The following CACNA2D1 variants were observed in gnomAD, a reference collection of about 807,000 sequenced individuals.
CACNA2D1 encodes voltage-dependent calcium channel subunit alpha-2/delta-1.
In CACNA2D1, 53 loss-of-function variants were observed where a neutral mutation model predicts 171.5. The observed-to-expected ratio is 0.31, with a 90% CI of 0.25 to 0.39. The LOEUF (loss-of-function observed/expected upper bound fraction) is 0.39. Among genes scored for constraint, CACNA2D1 ranks in the 10% least tolerant of loss-of-function variants. The pLI is 1.00. For missense variants in CACNA2D1, 903 were observed against 1,299.8 expected, an observed-to-expected ratio of 0.69 and a Z score of 4.69; for synonymous variants, 442 against 443.1, an observed-to-expected ratio of 1.00 and a Z score of 0.03.
intron 5 of CACNA2D1, among the ~76,000 whole-genome samples, chr7:82,135,751 T>C (rs887606538): frequency 6.6e-6 from 1 of 152,154 alleles, no homozygotes; most frequent in African/African-American, 2.4e-5. Context: ...AAATTCCATA[T>C]AATAGTATAT....
chr7:82,167,689 T>C (rs1367656064), intron 4 of CACNA2D1, among the ~76,000 whole-genome samples: 1 of 152,084 alleles, frequency 6.6e-6, no homozygotes, highest in African/African-American at 2.4e-5. Context: ...CCTGTCAACA[T>C]CATTCACGGT....
At chr7:82,193,516 AT>A in intron 3 of CACNA2D1, among the ~76,000 whole-genome samples, 1 of 152,106 alleles carries the variant, frequency 6.6e-6, no homozygotes, top group East Asian at 1.9e-4. Flanking sequence ...GAAATGTCTC[AT>A]TTTTTAAGTA....
intron 1 of CACNA2D1, among the ~76,000 whole-genome samples, chr7:82,416,320 T>C (rs1828164767): frequency 6.6e-6 from 1 of 152,128 alleles, no homozygotes; most frequent in South Asian, 2.1e-4. Flanking sequence ...AGTCCTTAAA[T>C]GACTGAATAG....
chr7:82,016,878 A>G (rs1182676584), intron 12 of CACNA2D1, among the ~76,000 whole-genome samples: 1 of 145,254 alleles, frequency 6.9e-6, no homozygotes, highest in Admixed American at 6.8e-5. Context: ...AATCATTCCC[A>G]TGTCATCAAT....
intron 4 of CACNA2D1, among the ~76,000 whole-genome samples, chr7:82,137,230 G>A (rs1185451023): frequency 6.6e-6 from 1 of 152,132 alleles, no homozygotes; most frequent in Non-Finnish European, 1.5e-5. Flanking sequence ...TAGCAAAGTG[G>A]TGAATTAGCA....
intron 4 of CACNA2D1, among the ~76,000 whole-genome samples, chr7:82,146,011 T>C (rs1178638875): frequency 1.3e-5 from 2 of 152,022 alleles, no homozygotes; most frequent in African/African-American, 2.4e-5. Context: ...AATATTTTAG[T>C]CTGCTTATTT....
intron 2 of CACNA2D1, among the ~76,000 whole-genome samples, chr7:82,345,681 A>AGTGTGTGT (rs3054696): frequency 0.074 from 10,861 of 146,334 alleles, 587 homozygotes; most frequent in African/African-American, 0.15. Context: ...TAGCTAAAGG[A>AGTGTGTGT]GTGTGTGTGT....
chr7:82,214,266 C>T (rs769425171), intron 3 of CACNA2D1, among the ~76,000 whole-genome samples: 16 of 152,222 alleles, frequency 1.1e-4, no homozygotes, highest in Non-Finnish European at 1.8e-4. Context: ...CTACCTCTTC[C>T]GAGAAAGCCT....
chr7:82,086,860 T>A (rs1298870820), intron 6 of CACNA2D1, among the ~76,000 whole-genome samples: 1 of 152,150 alleles, frequency 6.6e-6, no homozygotes, highest in Admixed American at 6.5e-5. Flanking sequence ...TATTGGGTAC[T>A]GACACACTGA....
rs974288228 is a variant in CACNA2D1 at position 82,143,673 on chromosome 7, G to C, written c.355-6997C>G. The stretch of plus-strand genomic sequence containing the variant: ...TATACGCATCCTGTCCACCAAATGT[G>C]TTGCTGTGCTCCAGACCTGTGTGAT... On this transcript the variant is annotated intron_variant, in intron 4 of 38. Transcript: ENST00000356860. 5.3e-5 allele frequency among the ~76,000 whole-genome samples: 8 copies of C among 152,208 alleles called. 1 individual carries two copies. The South Asian group carries it at 1.7e-3, about 32-fold the overall frequency.
chr7:82,252,618 G>A lies in CACNA2D1; in HGVS notation c.295-82009C>T, dbSNP rs191241226. ...AAGAGGAGGAAACACTTGGCCGGGC[G>A]TGGTGGCTCACGCCTGTAATCCCAG... On this transcript the variant is annotated intron_variant, in intron 3 of 38. Transcript: ENST00000356860. Among the ~76,000 whole-genome samples the A allele has an allele frequency of 1.2e-4, 19 of 152,302 alleles. No individual in the cohort carries two copies. The East Asian group carries it at 1.7e-3, about 14-fold the overall frequency.
intron 3 of CACNA2D1, among the ~76,000 whole-genome samples, chr7:82,271,227 A>G (rs1437794474): frequency 6.6e-6 from 1 of 152,028 alleles, no homozygotes; most frequent in Non-Finnish European, 1.5e-5. Flanking sequence ...TTCATCATGT[A>G]GAAAAGAAAA....
chr7:82,237,395 A>C (rs1803726184), intron 3 of CACNA2D1, among the ~76,000 whole-genome samples: 1 of 151,860 alleles, frequency 6.6e-6, no homozygotes, highest in African/African-American at 2.4e-5. Flanking sequence ...AAACATACAG[A>C]CACACACACA....
intron 7 of CACNA2D1, among the ~76,000 whole-genome samples, chr7:82,068,890 A>C (rs879859594): frequency 2.6e-5 from 4 of 152,154 alleles, no homozygotes; most frequent in African/African-American, 7.2e-5. Context: ...CATAAAATGT[A>C]TATCTTTAAG....
chr7:82,176,984 A>C (rs1483804264), intron 3 of CACNA2D1, among the ~76,000 whole-genome samples: 2 of 150,726 alleles, frequency 1.3e-5, no homozygotes, highest in African/African-American at 2.4e-5. Flanking sequence ...TACTGCTTCT[A>C]TCATGATGCA....
intron 3 of CACNA2D1, among the ~76,000 whole-genome samples, chr7:82,243,468 G>A (rs538230247): frequency 1.3e-5 from 2 of 152,202 alleles, no homozygotes; most frequent in African/African-American, 2.4e-5. Flanking sequence ...AATTATACCC[G>A]AGTAACTATC....
intron 3 of CACNA2D1, among the ~76,000 whole-genome samples, chr7:82,280,414 T>C (rs1809935908): frequency 6.6e-6 from 1 of 152,190 alleles, no homozygotes; most frequent in Non-Finnish European, 1.5e-5. Flanking sequence ...TCTGTGGCAT[T>C]TTTTGTTTAT....
chr7:82,173,732 G>T (rs1796274600), intron 3 of CACNA2D1, among the ~76,000 whole-genome samples: 2 of 151,856 alleles, frequency 1.3e-5, no homozygotes, highest in African/African-American at 4.8e-5. Context: ...CCATTAAATG[G>T]CACCGGTGAA....
chr7:82,386,788 T>C (rs80019829), intron 1 of CACNA2D1, among the ~76,000 whole-genome samples: 2 of 150,632 alleles, frequency 1.3e-5, no homozygotes, highest in African/African-American at 4.9e-5. Flanking sequence ...ATAAAATAAC[T>C]AATACTTAGC....
Sources: allele counts gnomAD v4.1 joint callset (sites outside exome capture counted in the v4.1 genomes callset), GRCh38; gene constraint gnomAD v4.1.1; transcripts MANE v1.5; gene names NCBI Gene and HGNC (gene_info 2026-07-23, HGNC 2026-07-21).